MFSD11: variants seen among roughly 807,000 people sequenced by gnomAD.
The protein encoded by MFSD11 is major facilitator superfamily domain containing 11, also known as UNC93-like protein MFSD11.
Under a neutral mutation model 53.5 loss-of-function variants are expected in MFSD11, and 36 were observed. That is an observed-to-expected ratio of 0.67 (90% CI 0.52 to 0.89). The LOEUF is 0.89. Among genes scored for constraint, MFSD11 ranks in the 40% least tolerant of loss-of-function variants. The pLI is 0.00. For synonymous variants in MFSD11, 186 were observed against 184.9 expected (o/e 1.01, Z -0.05); for missense variants, 530 against 543.9 (o/e 0.97, Z 0.25).
At chr17:76,740,510 G>T (rs1267687798) in intron 2 of MFSD11, among the ~76,000 whole-genome samples, 2 of 152,170 alleles carry the variant, frequency 1.3e-5, no homozygotes, top group East Asian at 3.8e-4. Context: ...TGGTGGACTG[G>T]GGCCTCTGGA....
At chr17:76,745,593 A>G (rs888483148) in intron 7 of MFSD11, among the ~76,000 whole-genome samples, 3 of 152,104 alleles carry the variant, frequency 2.0e-5, no homozygotes, top group Admixed American at 6.6e-5. Context: ...TACTATTGCA[A>G]TTGTTTTGGG....
At chr17:76,781,288 AG>A (rs2082158160), downstream of MFSD11, 1 of 152,186 alleles carries the variant, frequency 6.6e-6, no homozygotes, top group Non-Finnish European at 1.5e-5. Context: ...CATGCTACGG[AG>A]TAGTCCTCAG....
chr17:76,749,865 G>C (rs2078897036), intron 7 of MFSD11, among the ~76,000 whole-genome samples: 1 of 150,838 alleles, frequency 6.6e-6, no homozygotes, highest in Admixed American at 6.6e-5. Context: ...ACTCCAGCCT[G>C]GGCGATAGAG....
upstream of MFSD11, chr17:76,737,929 A>C: frequency 1.5e-5 from 3 of 199,992 alleles, no homozygotes; most frequent in East Asian, 1.1e-4. Flanking sequence ...GCCACCCGGG[A>C]CTACGTTTCC....
At chr17:76,791,907 C>T in the MFSD11 span, among the ~76,000 whole-genome samples, 2 of 145,290 alleles carry the variant, frequency 1.4e-5, no homozygotes, top group Non-Finnish European at 3.0e-5. Context: ...TCATTTTATC[C>T]CTTTCTGGAT....
downstream of MFSD11, among the ~76,000 whole-genome samples, chr17:76,784,527 ATC>A (rs1350747192): frequency 1.3e-5 from 2 of 149,688 alleles, no homozygotes; most frequent in African/African-American, 5.0e-5. Flanking sequence ...GTGAGACTCC[ATC>A]TCAAAAAAAA....
At chr17:76,769,697 C>T (rs2081213753) in intron 9 of MFSD11, 49 bp from the exon 10 acceptor site, 4 of 1,492,534 alleles carry the variant, frequency 2.7e-6, no homozygotes, top group Non-Finnish European at 3.6e-6. Context: ...GGAAGATAAA[C>T]AAAAATGTGA....
chr17:76,757,890 A>C (rs1172823105), intron 8 of MFSD11, among the ~76,000 whole-genome samples: 1 of 152,280 alleles, frequency 6.6e-6, no homozygotes, highest in East Asian at 1.9e-4. Context: ...GGGTGCCTGT[A>C]ATCTCAGCTA....
At chr17:76,803,050 G>A in the MFSD11 span, among the ~76,000 whole-genome samples, 1 of 151,876 alleles carries the variant, frequency 6.6e-6, no homozygotes, top group African/African-American at 2.4e-5. Flanking sequence ...CCAGCTACTC[G>A]AGAGGCTGAG....
downstream of MFSD11, among the ~76,000 whole-genome samples, chr17:76,785,483 G>T (rs190907559): frequency 1.1e-4 from 17 of 151,652 alleles, no homozygotes; most frequent in East Asian, 3.3e-3. Context: ...GACCACAAGC[G>T]CATCCCACCA....
intron 1 of MFSD11, 21 bp downstream of exon 1, chr17:76,738,469 C>G: frequency 6.4e-7 from 1 of 1,570,582 alleles, no homozygotes; most frequent in Non-Finnish European, 8.8e-7. Flanking sequence ...ATCTGTCCTC[C>G]CTCCTTTGAA....
chr17:76,738,871 C>A, intron 1 of MFSD11, 67 bp from the exon 2 acceptor site: 1 of 1,257,778 alleles, frequency 8.0e-7, no homozygotes, highest in South Asian at 1.2e-5. Context: ...TACTTGGAGT[C>A]ACACTTCCCA....
Position 76,776,576 on chromosome 17 carries a change from G to T in MFSD11, c.1185+35G>T. ...TCAGATTGTGATTGTGTTTGACATA[G>T]GGCTCTTCCCTTTGTGTATTGCCTT... On this transcript the variant is annotated intron_variant, in intron 12 of 12. Coordinates refer to ENST00000685175, the MANE Select transcript of MFSD11 (RefSeq NM_001242532.5). The surrounding 1 kb of genome is among the most constrained non-coding windows in gnomAD (Gnocchi z 4.2). 6.2e-7 allele frequency: 1 copy of T among 1,602,454 alleles called. No homozygotes were observed.
the MFSD11 span, among the ~76,000 whole-genome samples, chr17:76,789,516 T>C: frequency 6.7e-6 from 1 of 150,178 alleles, no homozygotes; most frequent in Non-Finnish European, 1.5e-5. Context: ...CTCGCCTAGC[T>C]CCTGAGATCT....
chr17:76,739,040 C>G, intron 2 of MFSD11, 47 bp downstream of exon 2: 1 of 1,433,220 alleles, frequency 7.0e-7, no homozygotes, highest in Non-Finnish European at 9.8e-7. Context: ...ACAGTAGTTG[C>G]TTAAATCTCA....
Position 76,770,648 on chromosome 17 carries a change from T to C in MFSD11, c.874+777T>C, listed in dbSNP as rs568895685. Among the ~76,000 whole-genome samples, 3 of 152,266 alleles carry C rather than the reference T, an allele frequency of 2.0e-5. No homozygotes were observed. In the South Asian group the frequency reaches 6.2e-4, roughly 32 times the overall value. On this transcript the variant is annotated intron_variant, in intron 10 of 12. Transcript: ENST00000685175. ...ACACCTCTCTGACTTGGGTACAAAT[T>C]TGGAGGTTCCCATAGCCCTCTTCCC... is the stretch of plus-strand genomic sequence containing the variant.
At chr17:76,762,117 C>T (rs1018707229) in intron 8 of MFSD11, among the ~76,000 whole-genome samples, 1 of 152,080 alleles carries the variant, frequency 6.6e-6, no homozygotes, top group African/African-American at 2.4e-5. Context: ...AAGGCACTCC[C>T]AACTTTCTCC....
At chr17:76,765,262 G>GT (rs1349983443) in intron 8 of MFSD11, among the ~76,000 whole-genome samples, 3 of 151,720 alleles carry the variant, frequency 2.0e-5, no homozygotes, top group Non-Finnish European at 2.9e-5. Flanking sequence ...TGAAAAGTCT[G>GT]TTTTTTTGTC....
At chr17:76,745,523 A>G (rs2078454112) in intron 7 of MFSD11, 1 of 152,234 alleles carries the variant, frequency 6.6e-6, no homozygotes, top group Non-Finnish European at 1.5e-5. Flanking sequence ...TTCTCACAAT[A>G]CTTCAAACAT....
Sources: allele counts gnomAD v4.1 joint callset (sites outside exome capture counted in the v4.1 genomes callset), GRCh38; gene constraint gnomAD v4.1.1; non-coding constraint Gnocchi (gnomAD v3.1); transcripts MANE v1.5; gene names NCBI Gene and HGNC (gene_info 2026-07-23, HGNC 2026-07-21).